FNIP2: variants seen among roughly 807,000 people sequenced by gnomAD.
The protein encoded by FNIP2 is folliculin interacting protein 2, also known as folliculin-interacting protein 2.
FNIP2 carries 32 observed loss-of-function variants against 108.7 expected under a neutral mutation model. That is an observed-to-expected ratio of 0.29 (90% CI 0.22 to 0.40). The LOEUF (loss-of-function observed/expected upper bound fraction) is 0.40. FNIP2 is among the 10% of genes least tolerant of loss of function. FNIP2 has a pLI of 1.00. For synonymous variants in FNIP2, 480 were observed against 496.7 expected (o/e 0.97, Z 0.45); for missense variants, 1,202 against 1,381.6 (o/e 0.87, Z 2.06).
chr4:158,853,625 T>G (rs1250051665), intron 8 of FNIP2, among the ~76,000 whole-genome samples: 1 of 152,132 alleles, frequency 6.6e-6, no homozygotes, highest in Non-Finnish European at 1.5e-5. Flanking sequence ...GAACATGCGG[T>G]GTTTGGTTTT....
In FNIP2 at chr4:158,907,207, A is replaced by G. The variant is rs896550131; in HGVS notation, c.*2663A>G. 1 of 152,238 alleles carries G rather than the reference A, an allele frequency of 6.6e-6. No homozygotes were observed. The highest frequency in any genetic ancestry group is 6.5e-5 in the Admixed American group (1 of 15,288). 9.4% of individuals were successfully genotyped at this position (152,238 alleles called of 1,614,324 possible). Reference sequence around the variant, plus strand: ...GGTAATTGTGTACGTTTTAGACATGACAATGAAAATTTAAAATGTAGCTTC... The same window carrying G: ...GGTAATTGTGTACGTTTTAGACATGGCAATGAAAATTTAAAATGTAGCTTC... On this transcript the variant is annotated 3_prime_UTR_variant, in exon 17 of 17. Transcript: ENST00000264433.
Position 158,904,485 on chromosome 4 carries a change from C to CCT in FNIP2, c.3289_3290dup (p.Leu1098CysfsTer2). The CCT allele has an allele frequency of 1.9e-6, 3 of 1,613,178 alleles. No individual in the cohort carries two copies. The highest frequency in any genetic ancestry group is 2.5e-6 in the Non-Finnish European group (3 of 1,179,682). ...ATTCAGGATTGAATCCAACGACCTG[C>CCT]CTCTGTTGACTGCTATTGCCAGTAC... On this transcript the variant is annotated frameshift_variant, in exon 17 of 17. Transcript: ENST00000264433. LOFTEE classifies it high-confidence loss of function.
intron 12 of FNIP2, among the ~76,000 whole-genome samples, chr4:158,865,418 A>G (rs1183632521): frequency 6.6e-6 from 1 of 152,220 alleles, no homozygotes; most frequent in Non-Finnish European, 1.5e-5. Flanking sequence ...AAGTTTGGCT[A>G]TAATGTAATA....
intron 14 of FNIP2, among the ~76,000 whole-genome samples, chr4:158,885,922 G>A (rs1049671953): frequency 6.6e-6 from 1 of 152,178 alleles, no homozygotes; most frequent in East Asian, 1.9e-4. Flanking sequence ...TTTCTTGTTC[G>A]TGGAAGTTTA....
At chr4:158,844,593 T>C (rs1009690443) in intron 7 of FNIP2, among the ~76,000 whole-genome samples, 3 of 152,236 alleles carry the variant, frequency 2.0e-5, no homozygotes, top group Admixed American at 1.3e-4. Context: ...ATTTATTCCA[T>C]GAGTGTAAGT....
At chr4:158,779,523 A>G (rs2126417053) in intron 1 of FNIP2, among the ~76,000 whole-genome samples, 1 of 152,036 alleles carries the variant, frequency 6.6e-6, no homozygotes, top group South Asian at 2.1e-4. Flanking sequence ...AGAACAGTTG[A>G]CATTATGGGG....
At chr4:158,895,029 C>T (rs183786767) in intron 15 of FNIP2, among the ~76,000 whole-genome samples, 127 of 152,178 alleles carry the variant, frequency 8.3e-4, no homozygotes, top group African/African-American at 2.8e-3. Flanking sequence ...TGAAGATGCT[C>T]GGGTATCTGC....
intron 1 of FNIP2, among the ~76,000 whole-genome samples, chr4:158,789,127 T>C (rs1344675310): frequency 6.6e-6 from 1 of 152,220 alleles, no homozygotes; most frequent in African/African-American, 2.4e-5. Flanking sequence ...GATTATTTTG[T>C]TTAAAGTCAT....
chr4:158,815,831 C>T (rs1221204299), intron 1 of FNIP2, among the ~76,000 whole-genome samples: 1 of 151,996 alleles, frequency 6.6e-6, no homozygotes. Context: ...TACTTATTTT[C>T]GTTCCAGTCA....
At position 158,869,417 on chromosome 4, in the gene FNIP2, G is replaced by A; in HGVS notation, c.2781G>A (p.Leu927=). 6.3e-7 allele frequency: 1 copy of A among 1,599,202 alleles called. No homozygotes were observed. The change falls in exon 13 of 17, where the codon CTG becomes CTA. Residue 927 remains leucine (L), a synonymous_variant. Coordinates refer to ENST00000264433, the MANE Select transcript of FNIP2 (RefSeq NM_020840.3). ...DRTGGSLEVE[L]PLPRSQSIST... is the part of the protein sequence containing the mutation. ...CTGGAGGGTCCTTGGAAGTGGAGCT[G>A]CCTCTGCCAAGGTAACTCCAGCAGG...
intron 1 of FNIP2, among the ~76,000 whole-genome samples, chr4:158,810,895 C>T (rs1484335177): frequency 1.3e-5 from 2 of 152,202 alleles, no homozygotes; most frequent in African/African-American, 4.8e-5. Flanking sequence ...GGAATGCTGG[C>T]TGAACTGGTC....
At chr4:158,887,477 C>G (rs1157974916) in intron 14 of FNIP2, among the ~76,000 whole-genome samples, 1 of 152,134 alleles carries the variant, frequency 6.6e-6, no homozygotes, top group African/African-American at 2.4e-5. Context: ...TGGCTCACGC[C>G]TGTAATCCCA....
At chr4:158,870,985 G>C (rs1349459195) in intron 14 of FNIP2, among the ~76,000 whole-genome samples, 1 of 152,256 alleles carries the variant, frequency 6.6e-6, no homozygotes, top group African/African-American at 2.4e-5. Flanking sequence ...GGAATAAACA[G>C]CACAGATGGT....
chr4:158,880,747 C>T (rs545744354), intron 14 of FNIP2, among the ~76,000 whole-genome samples: 1 of 152,286 alleles, frequency 6.6e-6, no homozygotes, highest in East Asian at 1.9e-4. Context: ...AATTCACACA[C>T]CTCTGCAGTC....
At chr4:158,830,154 A>G (rs1778386911) in intron 3 of FNIP2, among the ~76,000 whole-genome samples, 1 of 151,908 alleles carries the variant, frequency 6.6e-6, no homozygotes, top group African/African-American at 2.4e-5. Context: ...TGTGAAAACC[A>G]GTTGGTTTCT....
chr4:158,774,297 A>AT lies in FNIP2; in HGVS notation c.107+4980dup, dbSNP rs1419541265. On this transcript the variant is annotated intron_variant, in intron 1 of 16. Coordinates refer to ENST00000264433, the MANE Select transcript of FNIP2 (RefSeq NM_020840.3). ...ATTTTATTTTAATTTTTTGTGTTTT[A>AT]TTCTTGTTGGTATTTTTGGATTTTG... 3.6e-4 allele frequency among the ~76,000 whole-genome samples: 55 copies of AT among 152,238 alleles called. 1 individual carries two copies. In the South Asian group the frequency reaches 4.1e-3, roughly 11 times the overall value.
chr4:158,890,753 A>G (rs954780056), intron 14 of FNIP2, among the ~76,000 whole-genome samples: 5 of 152,238 alleles, frequency 3.3e-5, no homozygotes, highest in Non-Finnish European at 7.3e-5. Context: ...TCCAGGAACC[A>G]TGGACTACTT....
At chr4:158,855,220 G>T (rs1487413305) in intron 8 of FNIP2, among the ~76,000 whole-genome samples, 1 of 152,064 alleles carries the variant, frequency 6.6e-6, no homozygotes, top group Non-Finnish European at 1.5e-5. Context: ...CCGAACACAT[G>T]CTTCATTGTC....
chr4:158,903,296 GT>G lies in FNIP2; in HGVS notation c.3267-1169del, dbSNP rs568294887. 5.9e-5 allele frequency among the ~76,000 whole-genome samples: 9 copies of G among 152,230 alleles called. No homozygotes were observed. In the South Asian group the frequency reaches 1.9e-3, roughly 32 times the overall value. On this transcript the variant is annotated intron_variant, in intron 16 of 16. Coordinates refer to ENST00000264433, the MANE Select transcript of FNIP2 (RefSeq NM_020840.3). The stretch of plus-strand genomic sequence containing the variant: ...CCCACCCTCCTTCTACTTGCCCTCT[GT>G]GGGCTGCACCCAGTGTCCAGCCACT...
Sources: gnomAD v4.1 joint callset for allele counts (sites outside exome capture counted in the v4.1 genomes callset) on GRCh38, gnomAD v4.1.1 for gene constraint, MANE v1.5 for transcripts, NCBI Gene and HGNC (gene_info 2026-07-23, HGNC 2026-07-21) for gene names.